Variants in ARHGAP44 observed in about 807,000 individuals in gnomAD.
ARHGAP44 encodes the protein rho GTPase-activating protein 44.
A neutral mutation model predicts 106.8 loss-of-function variants in ARHGAP44; 43 were observed. The ratio of observed to expected loss-of-function variants is 0.40; its 90% CI spans 0.32 to 0.52. The LOEUF (loss-of-function observed/expected upper bound fraction) is 0.52, where lower values mean the gene tolerates loss of function less well. ARHGAP44 is among the 20% of genes least tolerant of loss of function. The probability of loss-of-function intolerance (pLI) is 0.48; values close to 1 mark genes in which losing one functional copy is unlikely to be tolerated. For missense variants in ARHGAP44, 866 were observed against 1,050.5 expected (o/e 0.82, Z 2.43); for synonymous variants, 439 against 410.3 (o/e 1.07, Z -0.85).
intron 1 of ARHGAP44, among the ~76,000 whole-genome samples, chr17:12,864,290 T>C (rs9892865): frequency 0.027 from 4,160 of 152,254 alleles, 166 homozygotes; most frequent in African/African-American, 0.092. Context: ...ATGATTTTTC[T>C]TTTCTTGTCT....
chr17:12,990,163 G>A lies in ARHGAP44; in HGVS notation c.2449G>A (p.Ala817Thr), dbSNP rs1161462360. ...CTCGGAGGAGGAGTCTGAGAGCACCGCCCTCTGACATGACACCGCCCATCC... is the reference window on the plus strand; with the variant it reads ...CTCGGAGGAGGAGTCTGAGAGCACCACCCTCTGACATGACACCGCCCATCC... ...RDSEEESESTAL is the reference protein window; with the variant it reads ...RDSEEESESTTL Residue 817 changes from alanine to threonine, a missense_variant, in exon 21 of 21, where the codon GCC becomes ACC. By Grantham distance (58) the Ala-to-Thr change is moderately conservative. Coordinates refer to ENST00000379672, the MANE Select transcript of ARHGAP44 (RefSeq NM_014859.6). The A allele has an allele frequency of 3.1e-6, 5 of 1,611,724 alleles. No individual in the cohort carries two copies. Among genetic ancestry groups the A allele is most frequent in the South Asian group, 1.1e-5 (1 of 91,028 alleles).
At chr17:12,877,977 T>C (rs2036608272) in intron 1 of ARHGAP44, among the ~76,000 whole-genome samples, 1 of 152,134 alleles carries the variant, frequency 6.6e-6, no homozygotes, top group Admixed American at 6.6e-5. Flanking sequence ...AGTCAAGAGG[T>C]GCTGTAGTGA....
rs1037963593 is a variant in ARHGAP44, at chr17:12,857,052, C to G, written c.54-37888C>G. ...CACATTTTAGATATATATAAATTGCCTCAGCACTTTAAACCTCAATGACAT... is the reference window on the plus strand; with the variant it reads ...CACATTTTAGATATATATAAATTGCGTCAGCACTTTAAACCTCAATGACAT... On this transcript the variant is annotated intron_variant, in intron 1 of 20. Coordinates refer to ENST00000379672, the MANE Select transcript of ARHGAP44 (RefSeq NM_014859.6). Among the ~76,000 whole-genome samples the G allele has an allele frequency of 3.3e-5, 5 of 152,092 alleles. No individual in the cohort carries two copies. The South Asian group carries it at 1.0e-3, about 32-fold the overall frequency.
intron 4 of ARHGAP44, 102 bp downstream of exon 4, chr17:12,909,075 G>A: frequency 9.7e-7 from 1 of 1,030,730 alleles, no homozygotes; most frequent in South Asian, 1.7e-5. Flanking sequence ...ATTCTCACTG[G>A]GGACTTTAGT....
intron 6 of ARHGAP44, among the ~76,000 whole-genome samples, chr17:12,926,542 TTA>T (rs988412966): frequency 6.5e-5 from 9 of 138,380 alleles, no homozygotes; most frequent in Middle Eastern, 3.4e-3. Flanking sequence ...TACATATATA[TTA>T]TATATATAAC....
intron 1 of ARHGAP44, among the ~76,000 whole-genome samples, chr17:12,878,945 G>A (rs998764405): frequency 6.6e-6 from 1 of 152,150 alleles, no homozygotes; most frequent in Admixed American, 6.5e-5. Context: ...TCTTTTATCA[G>A]CTATGTAGCT....
chr17:12,793,445 C>T (rs750274134), intron 1 of ARHGAP44, among the ~76,000 whole-genome samples: 5 of 152,098 alleles, frequency 3.3e-5, no homozygotes, highest in East Asian at 1.9e-4. Flanking sequence ...TGGTGGCTCA[C>T]GCCTGTAGTC....
rs1598093141 is a variant in ARHGAP44 at position 12,942,914 on chromosome 17, A to G, written c.652-674A>G. On this transcript the variant is annotated intron_variant, in intron 8 of 20. Transcript: ENST00000379672. ...GCATCATTTTCACCAAAGCAATCCC[A>G]CCTCCAGGGTATTTGAAGAAGATTG... 2.6e-5 allele frequency among the ~76,000 whole-genome samples: 4 copies of G among 152,282 alleles called. No homozygotes were observed. The South Asian group carries it at 8.3e-4, about 32-fold the overall frequency.
intron 1 of ARHGAP44, among the ~76,000 whole-genome samples, chr17:12,872,359 T>A (rs144015761): frequency 1.3e-5 from 2 of 152,348 alleles, no homozygotes; most frequent in Non-Finnish European, 2.9e-5. Flanking sequence ...CATCCTGCAA[T>A]TTCTTCTCGC....
chr17:12,869,561 C>T (rs565755766), intron 1 of ARHGAP44, among the ~76,000 whole-genome samples: 3 of 152,148 alleles, frequency 2.0e-5, no homozygotes, highest in African/African-American at 4.8e-5. Context: ...CCATTGCCAC[C>T]GCCCATCTCC....
At chr17:12,841,628 ACACACAC>A (rs1567642328) in intron 1 of ARHGAP44, among the ~76,000 whole-genome samples, 4 of 138,884 alleles carry the variant, frequency 2.9e-5, no homozygotes, top group African/African-American at 8.8e-5. Context: ...ACACACACAC[ACACACAC>A]ACACAAACAA....
intron 1 of ARHGAP44, among the ~76,000 whole-genome samples, chr17:12,804,425 C>T (rs574453773): frequency 3.9e-5 from 6 of 152,116 alleles, no homozygotes; most frequent in Non-Finnish European, 7.3e-5. Flanking sequence ...GGGATAGCCT[C>T]GCCTAAGTCA....
chr17:12,801,406 C>G (rs2150763344), intron 1 of ARHGAP44, among the ~76,000 whole-genome samples: 1 of 152,352 alleles, frequency 6.6e-6, no homozygotes, highest in African/African-American at 2.4e-5. Flanking sequence ...ATTTTCTACA[C>G]AAGTCTCAGA....
In ARHGAP44 at chr17:12,956,091, A is replaced by C; in HGVS notation, c.1250+111A>C. 4.1e-6 allele frequency: 3 copies of C among 723,070 alleles called. No individual in the cohort carries two copies. In the East Asian group the frequency reaches 8.1e-5, roughly 19 times the overall value. The allele number at this position is 723,070 out of a possible 1,614,324, so 44.8% of individuals were successfully genotyped here. On this transcript the variant is annotated intron_variant, in intron 14 of 20. Transcript: ENST00000379672. ...TGAGCACCAGCCTCATGTATTTTCC[A>C]AACCCTATTTCTTTGTTGGCCTGCT...
intron 1 of ARHGAP44, among the ~76,000 whole-genome samples, chr17:12,835,702 C>G (rs2035218216): frequency 6.6e-6 from 1 of 152,158 alleles, no homozygotes; most frequent in Non-Finnish European, 1.5e-5. Flanking sequence ...ACAGTTCAAT[C>G]TTGTTAAGTA....
chr17:12,958,495 T>C lies in ARHGAP44; in HGVS notation c.1343-222T>C, dbSNP rs534997360. Among the ~76,000 whole-genome samples, 4 of 151,516 alleles carry C rather than the reference T, an allele frequency of 2.6e-5. No individual in the cohort carries two copies. Among genetic ancestry groups the C allele is most frequent in the South Asian group, 2.1e-4 (1 of 4,756 alleles). ...TGTTTTTACAAACTTTTTTTTTTTT[T>C]CACAAATTGACATTGCTTTATTAAA... On this transcript the variant is annotated intron_variant, in intron 15 of 20. Coordinates refer to ENST00000379672, the MANE Select transcript of ARHGAP44 (RefSeq NM_014859.6). The surrounding 1 kb of genome is among the most constrained non-coding windows in gnomAD (Gnocchi z 4.1).
chr17:12,940,566 G>A (rs183951375), intron 7 of ARHGAP44, among the ~76,000 whole-genome samples: 3 of 152,182 alleles, frequency 2.0e-5, no homozygotes, highest in South Asian at 2.1e-4. Context: ...TCTTATCCAA[G>A]CTTCCTCCAA....
chr17:12,914,817 TC>T (rs1470139543), intron 4 of ARHGAP44, among the ~76,000 whole-genome samples: 17 of 127,958 alleles, frequency 1.3e-4, no homozygotes, highest in African/African-American at 4.0e-4. Context: ...AAAAAAAACC[TC>T]AAAAAAAAAA....
chr17:12,974,304 G>A lies in ARHGAP44; in HGVS notation c.1757G>A (p.Arg586His), dbSNP rs1383253736. The change falls in exon 18 of 21, where the codon CGC (arginine) becomes CAC (histidine). Residue 586 changes from arginine (R) to histidine (H), a missense_variant. Physicochemically the swap from Arg to His is conservative, Grantham distance 29. Around this residue, in one of 2 missense-constraint regions of ARHGAP44, gnomAD observed 418 missense variants for 403.6 expected, o/e 1.04. Transcript: ENST00000379672. ...CTGGGCCTCCAGCCTGGGCCCGAGC[G>A]CACCAGGTAAGCGCGGGCCACTGCC... ...SGLGLQPGPERTSTTKSKELS... is the reference protein window; with the variant it reads ...SGLGLQPGPEHTSTTKSKELS... 7 of 1,424,868 alleles carry A rather than the reference G, an allele frequency of 4.9e-6. No individual in the cohort carries two copies. Among genetic ancestry groups the A allele is most frequent in the Non-Finnish European group, 6.4e-6 (7 of 1,096,920 alleles). 88.3% of individuals were successfully genotyped at this position (1,424,868 alleles called of 1,614,324 possible). A position where few individuals can be genotyped will look rare whatever the true frequency, so the allele number is the denominator to read the frequency against.
Sources: gnomAD v4.1 joint callset for allele counts (sites outside exome capture counted in the v4.1 genomes callset) on GRCh38, gnomAD v4.1.1 for gene constraint, gnomAD v4.1.1 regional missense constraint, Gnocchi (gnomAD v3.1) non-coding constraint, MANE v1.5 for transcripts, NCBI Gene and HGNC (gene_info 2026-07-23, HGNC 2026-07-21) for gene names.